The following RIPOR3 variants were observed in gnomAD, a reference collection of about 807,000 sequenced individuals.
RIPOR3 encodes RIPOR family member 3, also known as family with sequence similarity 65 member C.
Under a neutral mutation model 114.3 loss-of-function variants are expected in RIPOR3, and 95 were observed. The ratio of observed to expected loss-of-function variants is 0.83; its 90% confidence interval spans 0.70 to 0.99. The LOEUF (loss-of-function observed/expected upper bound fraction) is 0.99. Ranked by LOEUF, RIPOR3 falls within the 50% of genes least tolerant of loss-of-function variation. The probability of loss-of-function intolerance (pLI) is 0.00; values close to 1 mark genes in which losing one functional copy is unlikely to be tolerated. For synonymous variants in RIPOR3, 575 were observed against 543.8 expected (o/e 1.06, Z -0.80); for missense variants, 1,252 against 1,266.9 (o/e 0.99, Z 0.18).
At chr20:50,683,724 T>A (rs2123622188) in intron 1 of RIPOR3, among the ~76,000 whole-genome samples, 1 of 151,382 alleles carries the variant, frequency 6.6e-6, no homozygotes, top group East Asian at 2.0e-4. Context: ...CCCAAAGTAC[T>A]GGGATTACAG....
At chr20:50,610,803 C>A (rs2083948286) in intron 6 of RIPOR3, 50 bp downstream of exon 6, 1 of 1,612,932 alleles carries the variant, frequency 6.2e-7, no homozygotes, top group Non-Finnish European at 8.5e-7. Flanking sequence ...TGAGGCCCAG[C>A]AAGCTGGCAC....
At chr20:50,641,654 C>T (rs2085201558) in intron 1 of RIPOR3, among the ~76,000 whole-genome samples, 1 of 152,226 alleles carries the variant, frequency 6.6e-6, no homozygotes, top group Admixed American at 6.5e-5. Context: ...AATCTGTCCC[C>T]AGCCACCTCC....
intron 2 of RIPOR3, among the ~76,000 whole-genome samples, chr20:50,620,355 G>A (rs1179076922): frequency 1.3e-5 from 2 of 152,164 alleles, no homozygotes; most frequent in South Asian, 2.1e-4. Flanking sequence ...GGCCAGGTGC[G>A]GTGGCTCACA....
chr20:50,646,723 A>G (rs576670032), intron 1 of RIPOR3, among the ~76,000 whole-genome samples: 2 of 152,222 alleles, frequency 1.3e-5, no homozygotes, highest in African/African-American at 4.8e-5. Context: ...GTGGCCTAAC[A>G]GCCTGAAATA....
chr20:50,639,512 C>T (rs566081880), intron 1 of RIPOR3, among the ~76,000 whole-genome samples: 2 of 152,158 alleles, frequency 1.3e-5, no homozygotes, highest in Admixed American at 6.5e-5. Flanking sequence ...GGCTGAGGCT[C>T]GAGATGGAGC....
intron 1 of RIPOR3, among the ~76,000 whole-genome samples, chr20:50,642,904 C>T (rs566443889): frequency 1.1e-4 from 17 of 152,082 alleles, no homozygotes; most frequent in Middle Eastern, 3.4e-3. Flanking sequence ...CAAAATTAGC[C>T]GGGCGTAGTG....
At chr20:50,609,416 A>C in intron 7 of RIPOR3, 60 bp from the exon 8 acceptor site, 3 of 1,582,746 alleles carry the variant, frequency 1.9e-6, no homozygotes, top group Non-Finnish European at 2.6e-6. Context: ...AGGGCCTCTA[A>C]CCATCCCTGC....
Position 50,620,132 on chromosome 20 carries a change from T to C in RIPOR3, c.123A>G (p.Ala41=), listed in dbSNP as rs2084343728. 3.7e-6 allele frequency: 6 copies of C among 1,613,696 alleles called. No individual in the cohort carries two copies. Among genetic ancestry groups the C allele is most frequent in the Middle Eastern group, 3.3e-4 (2 of 6,052 alleles). The change falls in exon 3 of 22, where the codon GCA becomes GCG. Residue 41 remains alanine (A), a splice_region_variant and synonymous_variant. Transcript: ENST00000327979. ...TCACGGAGTTCCTGTTGATGGACTT[T>C]CTGTGAGAAGGGTTGGAGGGCAAGA... ...GFSSAQSRRI[A]KSINRNSVRS... is the part of the protein sequence containing the mutation.
At chr20:50,629,508 C>T (rs2084742935) in intron 2 of RIPOR3, among the ~76,000 whole-genome samples, 2 of 152,300 alleles carry the variant, frequency 1.3e-5, no homozygotes, top group East Asian at 1.9e-4. Flanking sequence ...CAACCTTCCT[C>T]CCAGGGACTT....
At chr20:50,615,794 G>A (rs185655414) in intron 4 of RIPOR3, among the ~76,000 whole-genome samples, 4 of 147,416 alleles carry the variant, frequency 2.7e-5, no homozygotes, top group Admixed American at 6.6e-5. Flanking sequence ...TTCTAGAACC[G>A]AGAGACAGTG....
At position 50,617,586 on chromosome 20, in the gene RIPOR3, G is replaced by T. The variant is rs73615306; in HGVS notation, c.270-1506C>A. ...GGTAGCCACCGCTGTGCCCAGCCAA[G>T]GATGTCTATTTTGAAAACCATTTCA... On this transcript the variant is annotated intron_variant, in intron 3 of 21. Transcript: ENST00000327979. 7.1e-4 allele frequency among the ~76,000 whole-genome samples: 107 copies of T among 151,062 alleles called. 4 individuals are homozygous for T. The East Asian group carries it at 0.018, about 26-fold the overall frequency.
Position 50,616,071 on chromosome 20 carries a change from C to T in RIPOR3, c.279G>A (p.Leu93=). 6.2e-7 allele frequency: 1 copy of T among 1,611,626 alleles called. No homozygotes were observed. Among genetic ancestry groups the T allele is most frequent in the Non-Finnish European group, 8.5e-7 (1 of 1,179,008 alleles). The change falls in exon 4 of 22, where the codon CTG becomes CTA. Residue 93 remains leucine, a synonymous_variant. Transcript: ENST00000327979. ...GGTCCAGCTCAGCCTGCTGCACACA[C>T]AGATACTCCCTGCAAGGAAAGCAAG... ...EALKRGLKEY[L]CVQQAELDHL...
rs746361001 is a variant in RIPOR3, at chr20:50,593,184, A to T, written c.2225T>A (p.Leu742His). 1 of 1,612,694 alleles carries T rather than the reference A, an allele frequency of 6.2e-7. No individual in the cohort carries two copies. The highest frequency in any genetic ancestry group is 8.5e-7 in the Non-Finnish European group (1 of 1,180,022). The change falls in exon 18 of 22, where the codon CTC becomes CAC. Residue 742 changes from leucine to histidine, a missense_variant. Coordinates refer to ENST00000327979, the MANE Select transcript of RIPOR3 (RefSeq NM_001290268.2). Reference sequence around the variant, plus strand: ...ACCACAGCTGACCACCTGCTCCAGGAGCCTGCGGCACGCTGGCCAAAGGGG... The same window carrying T: ...ACCACAGCTGACCACCTGCTCCAGGTGCCTGCGGCACGCTGGCCAAAGGGG... ...PGQLEIACRR[L>H]LEQVVSCGGL...
At position 50,602,164 on chromosome 20, in the gene RIPOR3, C is replaced by T. The variant is rs761252784; in HGVS notation, c.1567G>A (p.Glu523Lys). 4.3e-6 allele frequency: 7 copies of T among 1,612,984 alleles called. No homozygotes were observed. In the South Asian group the frequency reaches 7.7e-5, roughly 18 times the overall value. Reference sequence around the variant, plus strand: ...GTGGGCCTCAGCAACTCCAGGACCTCCTGCAGAGGCCCCTCGAGGGCCACG... The same window carrying T: ...GTGGGCCTCAGCAACTCCAGGACCTTCTGCAGAGGCCCCTCGAGGGCCACG... ...PGVALEGPLQ[E>K]VLELLRPTDS... Residue 523 changes from glutamate to lysine, a missense_variant, in exon 13 of 22, where the codon GAG (glutamate) becomes AAG (lysine). Glu to Lys is a moderately conservative substitution (Grantham distance 56). Coordinates refer to ENST00000327979, the MANE Select transcript of RIPOR3 (RefSeq NM_001290268.2). This position sits in a 1 kb window ranked among gnomAD's most constrained non-coding sequence, Gnocchi z 4.3.
intron 1 of RIPOR3, among the ~76,000 whole-genome samples, chr20:50,657,325 G>A (rs563328594): frequency 1.8e-4 from 27 of 152,256 alleles, no homozygotes; most frequent in Non-Finnish European, 2.6e-4. Context: ...TCAGGAGTTC[G>A]AGACCAGCCT....
rs752588954 is a variant in RIPOR3 at position 50,620,128 on chromosome 20, A to T, written c.127T>A (p.Ser43Thr). 6.2e-7 allele frequency: 1 copy of T among 1,613,580 alleles called. No homozygotes were observed. The highest frequency in any genetic ancestry group is 8.5e-7 in the Non-Finnish European group (1 of 1,179,962). The change falls in exon 3 of 22, where the codon TCC becomes ACC. Residue 43 changes from serine to threonine, a missense_variant. By Grantham distance (58) the Ser-to-Thr change is moderately conservative. Coordinates refer to ENST00000327979, the MANE Select transcript of RIPOR3 (RefSeq NM_001290268.2). ...SSAQSRRIAK[S>T]INRNSVRSRM... ...GATCTCACGGAGTTCCTGTTGATGGACTTTCTGTGAGAAGGGTTGGAGGGC... is the reference window on the plus strand; with the variant it reads ...GATCTCACGGAGTTCCTGTTGATGGTCTTTCTGTGAGAAGGGTTGGAGGGC...
chr20:50,629,001 C>T (rs1373210418), intron 2 of RIPOR3, among the ~76,000 whole-genome samples: 1 of 152,146 alleles, frequency 6.6e-6, no homozygotes, highest in African/African-American at 2.4e-5. Flanking sequence ...GCTCAGGGGT[C>T]CTCCCCCAGG....
chr20:50,644,698 T>TC (rs2085335436), intron 1 of RIPOR3, among the ~76,000 whole-genome samples: 1 of 135,880 alleles, frequency 7.4e-6, no homozygotes, highest in Non-Finnish European at 1.6e-5. Flanking sequence ...TTTTTTTTTT[T>TC]TTTTGTAGAG....
rs374374141 is a variant in RIPOR3 at position 50,609,678 on chromosome 20, G to A, written c.471C>T (p.Arg157=). ...CCCGCTGCATGCTGGAGGCGCCGTC[G>A]CGCAGGCGGCACTGGATGCAGTAGT... is the stretch of plus-strand genomic sequence containing the variant. ...YEDYCIQCRL[R]DGASSMQRAF... The change falls in exon 7 of 22, where the codon CGC becomes CGT. Residue 157 remains arginine, a synonymous_variant. Transcript: ENST00000327979. 5.4e-5 allele frequency: 75 copies of A among 1,391,056 alleles called. No individual in the cohort carries two copies. In the Middle Eastern group the frequency reaches 5.6e-4, roughly 10 times the overall value. The allele number at this position is 1,391,056 out of a possible 1,614,324, so 86.2% of individuals were successfully genotyped here.
Sources: gnomAD v4.1 joint callset for allele counts (sites outside exome capture counted in the v4.1 genomes callset) on GRCh38, gnomAD v4.1.1 for gene constraint, Gnocchi (gnomAD v3.1) non-coding constraint, MANE v1.5 for transcripts, NCBI Gene and HGNC (gene_info 2026-07-23, HGNC 2026-07-21) for gene names.